TRAF3IP2: variants seen among roughly 807,000 people sequenced by gnomAD.
TRAF3IP2 encodes the protein TRAF3 interacting protein 2.
A neutral mutation model predicts 57.9 loss-of-function variants in TRAF3IP2; 35 were observed. The ratio of observed to expected loss-of-function variants is 0.60; its 90% confidence interval spans 0.46 to 0.80. The LOEUF is 0.80. Among genes scored for constraint, TRAF3IP2 ranks in the 30% least tolerant of loss-of-function variants. TRAF3IP2 has a pLI of 0.00. For synonymous variants in TRAF3IP2, 251 were observed against 268.9 expected, an observed-to-expected ratio of 0.93 and a Z score of 0.65; for missense variants, 556 against 706.4, an observed-to-expected ratio of 0.79 and a Z score of 2.41.
chr6:111,571,232 C>T (rs1029192502), intron 5 of TRAF3IP2, among the ~76,000 whole-genome samples: 3 of 152,120 alleles, frequency 2.0e-5, no homozygotes, highest in Admixed American at 1.3e-4. Context: ...TGTGCCACCA[C>T]ACTCGGCTAA....
intron 3 of TRAF3IP2, 53 bp from the exon 4 acceptor site, chr6:111,575,874 T>C: frequency 6.5e-7 from 1 of 1,543,078 alleles, no homozygotes; most frequent in South Asian, 1.2e-5. Context: ...AGGCAAACCT[T>C]CAGGGACAGA....
chr6:111,559,303 A>G lies in TRAF3IP2; in HGVS notation c.*102T>C. On this transcript the variant is annotated 3_prime_UTR_variant, in exon 9 of 9. Coordinates refer to ENST00000368761, the MANE Select transcript of TRAF3IP2 (RefSeq NM_147686.4). ...CAGAGGGCCTCTCGGGGAGGAACAG[A>G]AAAAAACCAGCCAGGAGTGCTACCG... 1 of 1,498,896 alleles carries G rather than the reference A, an allele frequency of 6.7e-7. No homozygotes were observed. The highest frequency in any genetic ancestry group is 2.3e-5 in the East Asian group (1 of 44,004). 92.8% of individuals were successfully genotyped at this position (1,498,896 alleles called of 1,614,324 possible).
chr6:111,599,282 T>C (rs1796790363), intron 1 of TRAF3IP2, among the ~76,000 whole-genome samples: 1 of 152,138 alleles, frequency 6.6e-6, no homozygotes. Flanking sequence ...TTGGATCTGA[T>C]GGGCATCTTC....
At chr6:111,592,611 G>A (rs560733788) in intron 1 of TRAF3IP2, among the ~76,000 whole-genome samples, 16 of 152,298 alleles carry the variant, frequency 1.1e-4, no homozygotes, top group Admixed American at 5.2e-4. Context: ...TGTATAAACC[G>A]TGTGGAGGAT....
intron 1 of TRAF3IP2, among the ~76,000 whole-genome samples, chr6:111,596,448 A>G (rs1489781870): frequency 4.0e-5 from 6 of 151,636 alleles, no homozygotes; most frequent in African/African-American, 1.5e-4. Flanking sequence ...GCACGCCATC[A>G]TGCCTAATTT....
chr6:111,600,889 T>C (rs553808060), intron 1 of TRAF3IP2: 37 of 246,870 alleles, frequency 1.5e-4, no homozygotes, highest in Non-Finnish European at 2.7e-4. Flanking sequence ...CCAAGTGTGA[T>C]AGATATATTA....
At chr6:111,560,695 G>A (rs142813080) in intron 8 of TRAF3IP2, among the ~76,000 whole-genome samples, 4 of 152,274 alleles carry the variant, frequency 2.6e-5, no homozygotes, top group East Asian at 1.9e-4. Flanking sequence ...CAGGTAATAC[G>A]GGCATTGTCT....
At chr6:111,562,905 C>A (rs1795499567) in intron 8 of TRAF3IP2, 60 bp downstream of exon 8, 1 of 1,301,160 alleles carries the variant, frequency 7.7e-7, no homozygotes, top group South Asian at 1.3e-5. Context: ...ATTTAAAATC[C>A]CAGATGGCAA....
intron 5 of TRAF3IP2, among the ~76,000 whole-genome samples, chr6:111,571,505 C>T (rs9481165): frequency 0.086 from 13,021 of 152,162 alleles, 885 homozygotes; most frequent in African/African-American, 0.19. Context: ...AGCCACCACG[C>T]CTGGCTGCTA....
intron 2 of TRAF3IP2, chr6:111,586,968 A>G (rs761814603): frequency 6.6e-6 from 1 of 152,126 alleles, no homozygotes; most frequent in African/African-American, 2.4e-5. Context: ...TGCCTTTAAT[A>G]CATTATCTCA....
At chr6:111,587,979 A>C (rs898556346) in intron 2 of TRAF3IP2, among the ~76,000 whole-genome samples, 2 of 152,202 alleles carry the variant, frequency 1.3e-5, no homozygotes, top group African/African-American at 4.8e-5. Flanking sequence ...TGCTGGGCCA[A>C]AGAGGAAGCA....
At position 111,580,403 on chromosome 6, in the gene TRAF3IP2, C is replaced by T. The variant is rs753149212; in HGVS notation, c.830-14G>A. The T allele has an allele frequency of 2.6e-6, 4 of 1,527,880 alleles. No individual in the cohort carries two copies. The Admixed American group carries it at 6.7e-5, about 26-fold the overall frequency. The allele number at this position is 1,527,880 out of a possible 1,614,324, so 94.6% of individuals were successfully genotyped here. A position where few individuals can be genotyped will look rare whatever the true frequency, so the allele number is the denominator to read the frequency against. The stretch of plus-strand genomic sequence containing the variant: ...AGTCATGGCCATCTGTAGGTGAAGA[C>T]AACAAAGACAACAGGGAACATCAAC... On this transcript the variant is annotated splice_polypyrimidine_tract_variant and intron_variant, in intron 2 of 8. Transcript: ENST00000368761.
intron 2 of TRAF3IP2, among the ~76,000 whole-genome samples, chr6:111,582,126 T>C (rs9372301): frequency 0.89 from 135,762 of 152,328 alleles, 60,815 homozygotes; most frequent in East Asian, 1. Flanking sequence ...CTCCTCCAGG[T>C]TCCCAGTGCC....
At chr6:111,579,901 A>G (rs1796103733) in intron 3 of TRAF3IP2, among the ~76,000 whole-genome samples, 1 of 152,246 alleles carries the variant, frequency 6.6e-6, no homozygotes, top group African/African-American at 2.4e-5. Flanking sequence ...TGGACTAAAA[A>G]TTCAGATGAT....
At chr6:111,584,542 A>G (rs1207319508) in intron 2 of TRAF3IP2, among the ~76,000 whole-genome samples, 2 of 152,060 alleles carry the variant, frequency 1.3e-5, no homozygotes, top group Non-Finnish European at 2.9e-5. Flanking sequence ...CACGCCTGTA[A>G]TCCTAGCACT....
chr6:111,558,295 G>A lies in TRAF3IP2; in HGVS notation c.*1110C>T, dbSNP rs1795312542. ...AATTAGAACACAGACTACAATTCTAGCCTACATCCCCCAACACTTCATACA... is the reference window on the plus strand; with the variant it reads ...AATTAGAACACAGACTACAATTCTAACCTACATCCCCCAACACTTCATACA... On this transcript the variant is annotated 3_prime_UTR_variant, in exon 9 of 9. Coordinates refer to ENST00000368761, the MANE Select transcript of TRAF3IP2 (RefSeq NM_147686.4). 6.6e-6 allele frequency: 1 copy of A among 152,168 alleles called. No individual in the cohort carries two copies. The highest frequency in any genetic ancestry group is 6.5e-5 in the Admixed American group (1 of 15,282). The allele number at this position is 152,168 out of a possible 1,614,324, so 9.4% of individuals were successfully genotyped here. A position where few individuals can be genotyped will look rare whatever the true frequency, so the allele number is the denominator to read the frequency against.
intron 1 of TRAF3IP2, among the ~76,000 whole-genome samples, chr6:111,594,071 C>A (rs1396972037): frequency 2.1e-5 from 3 of 143,768 alleles, no homozygotes; most frequent in Middle Eastern, 3.4e-3. Context: ...GTGGAGGTTG[C>A]AGTGAGCTGA....
chr6:111,564,163 C>T (rs970674080), intron 7 of TRAF3IP2, among the ~76,000 whole-genome samples: 3 of 149,542 alleles, frequency 2.0e-5, no homozygotes, highest in Admixed American at 6.7e-5. Context: ...TAGTTGCATA[C>T]GCACACACAC....
chr6:111,575,903 G>A, intron 3 of TRAF3IP2, 82 bp from the exon 4 acceptor site: 3 of 1,353,908 alleles, frequency 2.2e-6, no homozygotes, highest in Non-Finnish European at 3.0e-6. Context: ...TAGAACTATG[G>A]GAAGATCCCA....
Sources: gnomAD v4.1 joint callset for allele counts (sites outside exome capture counted in the v4.1 genomes callset) on GRCh38, gnomAD v4.1.1 for gene constraint, MANE v1.5 for transcripts, NCBI Gene and HGNC (gene_info 2026-07-23, HGNC 2026-07-21) for gene names.